MAPK10: variants seen among roughly 807,000 people sequenced by gnomAD.
MAPK10 encodes the protein JNK3 alpha protein kinase.
Under a neutral mutation model 59.3 loss-of-function variants are expected in MAPK10, and 25 were observed. The ratio of observed to expected loss-of-function variants is 0.42; its 90% CI spans 0.31 to 0.59. The LOEUF (loss-of-function observed/expected upper bound fraction) is 0.59, where lower values mean the gene tolerates loss of function less well. Ranked by LOEUF, MAPK10 falls within the 20% of genes least tolerant of loss-of-function variation. The pLI, the probability that MAPK10 is intolerant of heterozygous loss-of-function variation, is 0.15. For synonymous variants in MAPK10, 190 were observed against 200.5 expected (o/e 0.95, Z 0.44); for missense variants, 351 against 568.9 (o/e 0.62, Z 3.90).
chr4:86,260,588 A>G (rs2093947993), intron 2 of MAPK10, among the ~76,000 whole-genome samples: 1 of 152,088 alleles, frequency 6.6e-6, no homozygotes, highest in African/African-American at 2.4e-5. Context: ...AATAATTTCC[A>G]TAGTAGCTCC....
intron 2 of MAPK10, among the ~76,000 whole-genome samples, chr4:86,307,362 A>G (rs1400097905): frequency 6.6e-6 from 1 of 152,160 alleles, no homozygotes; most frequent in East Asian, 1.9e-4. Flanking sequence ...CAACTGGCCT[A>G]ATACTTTTTA....
chr4:86,218,728 G>A (rs1437902323), intron 2 of MAPK10, among the ~76,000 whole-genome samples: 4 of 152,132 alleles, frequency 2.6e-5, no homozygotes, highest in African/African-American at 9.7e-5. Flanking sequence ...TTGAATCCTG[G>A]AGAGGTGCTG....
intron 4 of MAPK10, among the ~76,000 whole-genome samples, chr4:86,151,142 C>T (rs550479816): frequency 4.6e-5 from 7 of 152,228 alleles, no homozygotes; most frequent in East Asian, 3.9e-4. Context: ...GCCAGCCTGA[C>T]GGTGTCCCTC....
chr4:86,377,875 C>A (rs1351948712), intron 1 of MAPK10, among the ~76,000 whole-genome samples: 2 of 152,100 alleles, frequency 1.3e-5, no homozygotes, highest in African/African-American at 4.8e-5. Flanking sequence ...GAGAAAGATA[C>A]AGGATGGGAG....
At chr4:86,293,298 A>C (rs971645485) in intron 2 of MAPK10, among the ~76,000 whole-genome samples, 1 of 152,226 alleles carries the variant, frequency 6.6e-6, no homozygotes, top group Non-Finnish European at 1.5e-5. Flanking sequence ...CTTTGAAGAA[A>C]TAATTTAAAG....
intron 4 of MAPK10, among the ~76,000 whole-genome samples, chr4:86,128,026 T>C (rs1198563008): frequency 6.6e-6 from 1 of 152,110 alleles, no homozygotes; most frequent in African/African-American, 2.4e-5. Flanking sequence ...TTTCAGTAAG[T>C]TTTATTATAT....
In MAPK10 at chr4:86,468,872, A is replaced by G. The variant is rs149676116; in HGVS notation, c.-262-114228T>C. Among the ~76,000 whole-genome samples, 11 of 151,590 alleles carry G rather than the reference A, an allele frequency of 7.3e-5. No individual in the cohort carries two copies. In the East Asian group the frequency reaches 2.0e-3, roughly 27 times the overall value. On this transcript the variant is annotated intron_variant, in intron 1 of 4. Coordinates refer to the MAPK10 transcript ENST00000502302. ...CCATCTCAAAAAAAAAGAAAAGAAA[A>G]AGAAGGAAAATAACAAAGCAACAGA... is the stretch of plus-strand genomic sequence containing the variant.
At chr4:86,417,026 A>T (rs1477535936) in intron 1 of MAPK10, among the ~76,000 whole-genome samples, 1 of 152,196 alleles carries the variant, frequency 6.6e-6, no homozygotes, top group Admixed American at 6.5e-5. Flanking sequence ...CACCTGCATT[A>T]TCTGCTTTTG....
intron 1 of MAPK10, among the ~76,000 whole-genome samples, chr4:86,481,751 T>G (rs1391040925): frequency 2.6e-5 from 4 of 152,146 alleles, no homozygotes; most frequent in Non-Finnish European, 5.9e-5. Context: ...AAGAATGTAG[T>G]TGTCTTACAA....
chr4:86,297,412 C>G (rs1169150417), intron 2 of MAPK10, among the ~76,000 whole-genome samples: 1 of 152,074 alleles, frequency 6.6e-6, no homozygotes, highest in Non-Finnish European at 1.5e-5. Context: ...CGGATTCAAG[C>G]GATTCTCCTG....
At chr4:86,443,046 T>C (rs541718518) in intron 1 of MAPK10, among the ~76,000 whole-genome samples, 1 of 152,232 alleles carries the variant, frequency 6.6e-6, no homozygotes, top group African/African-American at 2.4e-5. Context: ...ACAACTTCCC[T>C]GAGCAGAAAC....
chr4:86,318,313 C>T (rs1453872449), intron 2 of MAPK10, among the ~76,000 whole-genome samples: 4 of 152,076 alleles, frequency 2.6e-5, no homozygotes, highest in East Asian at 3.9e-4. Flanking sequence ...AGTGAGTTTT[C>T]GTTGCCTACA....
At position 86,593,066 on chromosome 4, in the gene MAPK10, T is replaced by G. The variant is rs182948033; in HGVS notation, c.-263+844A>C. Among the ~76,000 whole-genome samples the G allele has an allele frequency of 2.6e-3, 403 of 152,364 alleles. 1 individual carries two copies. The highest frequency in any genetic ancestry group is 4.5e-3 in the Non-Finnish European group (303 of 68,040). Reference sequence around the variant, plus strand: ...TGCATACTTGTAAGGCATATTTGACTGAAGATATCTATCATAGTTATTCAT... The same window carrying G: ...TGCATACTTGTAAGGCATATTTGACGGAAGATATCTATCATAGTTATTCAT... On this transcript the variant is annotated intron_variant, in intron 1 of 4. Transcript: ENST00000502302.
chr4:86,429,347 G>T (rs557769383), intron 1 of MAPK10, among the ~76,000 whole-genome samples: 1 of 152,066 alleles, frequency 6.6e-6, no homozygotes, highest in South Asian at 2.1e-4. Flanking sequence ...ACTTAATTTT[G>T]GTTAAGCAAT....
chr4:86,257,468 G>A (rs1211905699), intron 2 of MAPK10, among the ~76,000 whole-genome samples: 1 of 152,170 alleles, frequency 6.6e-6, no homozygotes, highest in Non-Finnish European at 1.5e-5. Context: ...TGGGACTCAC[G>A]TGATCCATTT....
chr4:86,093,594 A>G (rs1377610847), intron 9 of MAPK10, among the ~76,000 whole-genome samples: 1 of 151,964 alleles, frequency 6.6e-6, no homozygotes, highest in Non-Finnish European at 1.5e-5. Flanking sequence ...TACATAAATA[A>G]ACTAAGAATG....
intron 2 of MAPK10, among the ~76,000 whole-genome samples, chr4:86,348,864 C>T (rs1215406518): frequency 6.6e-6 from 1 of 152,024 alleles, no homozygotes; most frequent in African/African-American, 2.4e-5. Context: ...TCGATCTTTC[C>T]TCTTCATTTC....
At chr4:86,495,225 T>A (rs1052896950) in intron 1 of MAPK10, among the ~76,000 whole-genome samples, 1 of 152,214 alleles carries the variant, frequency 6.6e-6, no homozygotes, top group Non-Finnish European at 1.5e-5. Context: ...GGCATTTATT[T>A]ACATAGCTGT....
chr4:86,251,313 T>C (rs1172942490), intron 2 of MAPK10, among the ~76,000 whole-genome samples: 1 of 152,092 alleles, frequency 6.6e-6, no homozygotes, highest in Non-Finnish European at 1.5e-5. Context: ...CTACCAATGC[T>C]ATCCCTCCCC....
Sources: gnomAD v4.1 joint callset for allele counts (sites outside exome capture counted in the v4.1 genomes callset) on GRCh38, gnomAD v4.1.1 for gene constraint, MANE v1.5 for transcripts, NCBI Gene and HGNC (gene_info 2026-07-23, HGNC 2026-07-21) for gene names.